Variants in MYCBP2 observed in about 807,000 individuals in gnomAD.
MYCBP2 encodes the protein E3 ubiquitin-protein ligase MYCBP2.
A neutral mutation model predicts 525.3 loss-of-function variants in MYCBP2; 120 were observed. That is an observed-to-expected ratio of 0.23 (90% CI 0.20 to 0.27). MYCBP2 has a LOEUF of 0.27. Among genes scored for constraint, MYCBP2 ranks in the 10% least tolerant of loss-of-function variants. MYCBP2 has a pLI of 1.00. For missense variants in MYCBP2, 4,149 were observed against 5,657.1 expected (o/e 0.73, Z 8.55); for synonymous variants, 1,894 against 1,955.8 (o/e 0.97, Z 0.83).
At chr13:77,229,045 A>T (rs2066752521) in intron 18 of MYCBP2, among the ~76,000 whole-genome samples, 1 of 152,184 alleles carries the variant, frequency 6.6e-6, no homozygotes, top group African/African-American at 2.4e-5. Context: ...GCTGTGTGCT[A>T]ACTGAACACT....
intron 14 of MYCBP2, among the ~76,000 whole-genome samples, chr13:77,254,062 T>G (rs1019812661): frequency 6.6e-6 from 1 of 151,944 alleles, no homozygotes; most frequent in Non-Finnish European, 1.5e-5. Flanking sequence ...TTAACATGAA[T>G]CATTTAGATT....
rs376015537 is a variant in MYCBP2, at chr13:77,264,005, G to A, written c.1358-3C>T. On this transcript the variant is annotated splice_region_variant and splice_polypyrimidine_tract_variant and intron_variant, in intron 8 of 82. Coordinates refer to ENST00000544440, the MANE Select transcript of MYCBP2 (RefSeq NM_015057.5). ...ATTTTGACCTTCAGTGTGGCAATCTGTGCAAAAGAAAAAGTATTTATATTA... is the reference window on the plus strand; with the variant it reads ...ATTTTGACCTTCAGTGTGGCAATCTATGCAAAAGAAAAAGTATTTATATTA... 9.3e-6 allele frequency: 15 copies of A among 1,609,920 alleles called. No individual in the cohort carries two copies. The African/African-American group carries it at 2.0e-4, about 22-fold the overall frequency.
At chr13:77,240,275 C>A (rs777255174) in intron 17 of MYCBP2, among the ~76,000 whole-genome samples, 21 of 151,966 alleles carry the variant, frequency 1.4e-4, no homozygotes, top group Non-Finnish European at 5.9e-5. Context: ...AAAATGAATA[C>A]ATAGTTAGAA....
intron 52 of MYCBP2, among the ~76,000 whole-genome samples, chr13:77,136,115 A>G (rs892305241): frequency 1.3e-5 from 2 of 152,152 alleles, no homozygotes; most frequent in Non-Finnish European, 2.9e-5. Context: ...CACCGTGCCC[A>G]GCCTGTTTTT....
rs937772890 is a variant in MYCBP2 at position 77,150,903 on chromosome 13, T to G, written c.6962A>C (p.Gln2321Pro). The G allele has an allele frequency of 6.2e-7, 1 of 1,614,142 alleles. No individual in the cohort carries two copies. Among genetic ancestry groups the G allele is most frequent in the Non-Finnish European group, 8.5e-7 (1 of 1,180,006 alleles). The change falls in exon 47 of 83, where the codon CAA becomes CCA. Residue 2321 changes from glutamine (Q) to proline (P), a missense_variant. Physicochemically the swap from Gln to Pro is moderately conservative, Grantham distance 76. Coordinates refer to ENST00000544440, the MANE Select transcript of MYCBP2 (RefSeq NM_015057.5). The part of the protein sequence containing the change: ...VPVSQKKMSL[Q>P]QDQAKKPQRI... ...TTGAGGTTTCTTTGCTTGATCTTGT[T>G]GTAAAGACATTTTTTTCTGAGAAAC... is the stretch of plus-strand genomic sequence containing the variant.
At chr13:77,111,295 C>A (rs951455200) in intron 55 of MYCBP2, among the ~76,000 whole-genome samples, 10 of 152,118 alleles carry the variant, frequency 6.6e-5, no homozygotes, top group African/African-American at 2.4e-4. Flanking sequence ...GGAGCTAAGT[C>A]ATCCAACCGA....
In MYCBP2 at chr13:77,263,015, G is replaced by C. The variant is rs190430464; in HGVS notation, c.1570+636C>G. ...TTACGGAAGGTCACTATTAAACCTG[G>C]AGTGGCATGGCAAGCCAAAACTAAA... On this transcript the variant is annotated intron_variant, in intron 10 of 82. Transcript: ENST00000544440. Among the ~76,000 whole-genome samples the C allele has an allele frequency of 4.6e-5, 7 of 152,068 alleles. No homozygotes were observed. The East Asian group carries it at 1.3e-3, about 29-fold the overall frequency.
At position 77,096,321 on chromosome 13, in the gene MYCBP2, TGCA is replaced by T; in HGVS notation, c.9942_9944del (p.Ala3315del). ...AAATGGAATAAAATACCTTCTCCCT[TGCA>T]GCAGCCTGTTTTTCGCGGAGGTATT... is the stretch of plus-strand genomic sequence containing the variant. On this transcript the variant is annotated inframe_deletion, in exon 57 of 83. Transcript: ENST00000544440. The T allele has an allele frequency of 6.2e-7, 1 of 1,613,112 alleles. No homozygotes were observed.
intron 1 of MYCBP2, among the ~76,000 whole-genome samples, chr13:77,303,175 A>C (rs972214612): frequency 2.6e-5 from 4 of 152,200 alleles, no homozygotes; most frequent in African/African-American, 9.6e-5. Flanking sequence ...TCTACTAAAA[A>C]TACAAAAATT....
At chr13:77,227,208 C>G (rs1251944390) in intron 18 of MYCBP2, among the ~76,000 whole-genome samples, 1 of 151,866 alleles carries the variant, frequency 6.6e-6, no homozygotes, top group Admixed American at 6.6e-5. Flanking sequence ...CAAAAAAGAT[C>G]ACAAATACTG....
chr13:77,126,105 A>T (rs2051618768), intron 53 of MYCBP2, among the ~76,000 whole-genome samples: 1 of 152,232 alleles, frequency 6.6e-6, no homozygotes, highest in African/African-American at 2.4e-5. Context: ...ATACAATACA[A>T]ATCATTTGTT....
rs1444212578 is a variant in MYCBP2, at chr13:77,208,594, C to A, written c.3417-1769G>T. 2.6e-5 allele frequency among the ~76,000 whole-genome samples: 4 copies of A among 151,994 alleles called. No homozygotes were observed. In the East Asian group the frequency reaches 5.8e-4, roughly 22 times the overall value. On this transcript the variant is annotated intron_variant, in intron 23 of 82. Coordinates refer to ENST00000544440, the MANE Select transcript of MYCBP2 (RefSeq NM_015057.5). ...GAAAGATCTCTAAATTATTTTTGAG[C>A]AAAAAATCTAACTTTTAGAGTAGGT...
chr13:77,069,196 T>C (rs2040693249), intron 69 of MYCBP2, among the ~76,000 whole-genome samples: 1 of 152,260 alleles, frequency 6.6e-6, no homozygotes, highest in African/African-American at 2.4e-5. Flanking sequence ...TTATAGCTGA[T>C]AAGATTCACA....
chr13:77,140,157 T>G lies in MYCBP2; in HGVS notation c.7408A>C (p.Lys2470Gln). The G allele has an allele frequency of 6.3e-7, 1 of 1,596,224 alleles. No individual in the cohort carries two copies. Among genetic ancestry groups the G allele is most frequent in the Admixed American group, 1.8e-5 (1 of 54,666 alleles). The stretch of plus-strand genomic sequence containing the variant: ...CCCGCACTGTCCTTGGCCACAAATT[T>G]TCGAACCTGAGAAAGGCAAAGATAA... ...KSEPQPNKVR[K>Q]FVAKDSAGLR... Residue 2470 changes from lysine to glutamine, a missense_variant, in exon 51 of 83, where the codon AAA (lysine) becomes CAA (glutamine). Physicochemically the swap from Lys to Gln is moderately conservative, Grantham distance 53. This residue lies in a region of MYCBP2 where 692 missense variants were observed against 852.7 expected (regional missense o/e 0.81). Coordinates refer to ENST00000544440, the MANE Select transcript of MYCBP2 (RefSeq NM_015057.5).
At chr13:77,245,452 G>T (rs565510600) in intron 15 of MYCBP2, among the ~76,000 whole-genome samples, 2 of 152,108 alleles carry the variant, frequency 1.3e-5, no homozygotes, top group Admixed American at 1.3e-4. Flanking sequence ...CGTGTTCTTT[G>T]CAGGGACATG....
chr13:77,284,559 G>A (rs1479830440), intron 3 of MYCBP2, among the ~76,000 whole-genome samples: 1 of 152,132 alleles, frequency 6.6e-6, no homozygotes, highest in Non-Finnish European at 1.5e-5. Flanking sequence ...CTGCATAGAG[G>A]CATCTCATCA....
At chr13:77,294,104 C>CTATATATTTATA (rs2077778251) in intron 2 of MYCBP2, among the ~76,000 whole-genome samples, 1 of 41,920 alleles carries the variant, frequency 2.4e-5, no homozygotes, top group Admixed American at 3.3e-4. Flanking sequence ...GATATAATGG[C>CTATATATTTATA]TATATATATA....
chr13:77,091,725 CT>C (rs1257591798), intron 59 of MYCBP2, among the ~76,000 whole-genome samples: 29 of 148,748 alleles, frequency 1.9e-4, no homozygotes, highest in African/African-American at 1.7e-4. Context: ...TATTCATCAA[CT>C]TTTTTTTTTT....
At chr13:77,080,556 T>C (rs1049841804) in intron 65 of MYCBP2, 2 of 152,178 alleles carry the variant, frequency 1.3e-5, no homozygotes, top group African/African-American at 2.4e-5. Flanking sequence ...TTGAAACACA[T>C]GGATGAACTA....
Sources: gnomAD v4.1 joint callset for allele counts (sites outside exome capture counted in the v4.1 genomes callset) on GRCh38, gnomAD v4.1.1 for gene constraint, gnomAD v4.1.1 regional missense constraint, MANE v1.5 for transcripts, NCBI Gene and HGNC (gene_info 2026-07-23, HGNC 2026-07-21) for gene names.